The following RBPJ variants were observed in gnomAD, a reference collection of about 807,000 sequenced individuals.
The protein encoded by RBPJ is recombination signal binding protein for immunoglobulin kappa J region.
A neutral mutation model predicts 67.8 loss-of-function variants in RBPJ; 9 were observed. The ratio of observed to expected loss-of-function variants is 0.13; its 90% CI spans 0.08 to 0.23. The LOEUF (loss-of-function observed/expected upper bound fraction) is 0.23. Ranked by LOEUF, RBPJ falls within the 10% of genes least tolerant of loss-of-function variation. The pLI, the probability that RBPJ is intolerant of heterozygous loss-of-function variation, is 1.00. For synonymous variants in RBPJ, 198 were observed against 203.3 expected, an observed-to-expected ratio of 0.97 and a Z score of 0.22; for missense variants, 305 against 595.6, an observed-to-expected ratio of 0.51 and a Z score of 5.08.
intron 2 of RBPJ, among the ~76,000 whole-genome samples, chr4:26,392,033 G>C (rs916582408): frequency 6.6e-6 from 1 of 152,126 alleles, no homozygotes; most frequent in African/African-American, 2.4e-5. Context: ...ATTCTTGAAG[G>C]CTCCATCCTC....
At chr4:26,417,539 A>T (rs1489162342) in intron 4 of RBPJ, among the ~76,000 whole-genome samples, 1 of 152,194 alleles carries the variant, frequency 6.6e-6, no homozygotes, top group South Asian at 2.1e-4. Context: ...AGCCAAAATT[A>T]TATGTTAATA....
chr4:26,386,325 T>C, intron 1 of RBPJ, 28 bp from the exon 2 acceptor site: 1 of 1,529,856 alleles, frequency 6.5e-7, no homozygotes, highest in Non-Finnish European at 8.8e-7. Context: ...CTTACTTAAC[T>C]TTATTTTCTT....
At chr4:26,366,025 G>A (rs1406540911) in intron 1 of RBPJ, among the ~76,000 whole-genome samples, 2 of 152,202 alleles carry the variant, frequency 1.3e-5, no homozygotes, top group African/African-American at 4.8e-5. Flanking sequence ...GCTGCCTCCC[G>A]TGAACCCCCT....
At chr4:26,426,793 C>T (rs560249950) in intron 7 of RBPJ, among the ~76,000 whole-genome samples, 1 of 152,178 alleles carries the variant, frequency 6.6e-6, no homozygotes, top group African/African-American at 2.4e-5. Context: ...GAACTGAAGG[C>T]AGGGGATGTA....
At chr4:26,373,915 C>CTTTTTT (rs765161799) in intron 1 of RBPJ, among the ~76,000 whole-genome samples, 1 of 113,344 alleles carries the variant, frequency 8.8e-6, no homozygotes, top group Admixed American at 1.1e-4. Context: ...TTATTTTTTA[C>CTTTTTT]TTTTTTTTTT....
the RBPJ span, among the ~76,000 whole-genome samples, chr4:26,116,056 T>C: frequency 1.3e-5 from 2 of 152,366 alleles, no homozygotes; most frequent in Non-Finnish European, 2.9e-5. Flanking sequence ...TAGTTCAAGA[T>C]TCCAAGTTTG....
intron 1 of RBPJ, among the ~76,000 whole-genome samples, chr4:26,348,742 C>A (rs966803968): frequency 1.3e-5 from 2 of 151,736 alleles, no homozygotes; most frequent in African/African-American, 4.8e-5. Flanking sequence ...CTCACTTTAT[C>A]ACTCAGAGTG....
At position 26,421,465 on chromosome 4, in the gene RBPJ, G is replaced by A. The variant is rs398073723; in HGVS notation, c.496+740G>A. Among the ~76,000 whole-genome samples, 12 of 151,808 alleles carry A rather than the reference G, an allele frequency of 7.9e-5. No homozygotes were observed. The East Asian group carries it at 1.9e-3, about 25-fold the overall frequency. On this transcript the variant is annotated intron_variant, in intron 5 of 10. Transcript: ENST00000355476. ...ATTACAGGTGCCCACCATCACGCCCGGCTGATTTTGTATTTTTTAGTAGAG... is the reference window on the plus strand; with the variant it reads ...ATTACAGGTGCCCACCATCACGCCCAGCTGATTTTGTATTTTTTAGTAGAG...
At chr4:26,354,625 T>C (rs149790353) in intron 1 of RBPJ, among the ~76,000 whole-genome samples, 1,728 of 152,066 alleles carry the variant, frequency 0.011, 38 homozygotes, top group African/African-American at 0.039. Flanking sequence ...AATTTTTGTA[T>C]TTTTAGTAGA....
At chr4:26,288,479 A>G (rs1015576304) in intron 1 of RBPJ, among the ~76,000 whole-genome samples, 2 of 152,222 alleles carry the variant, frequency 1.3e-5, no homozygotes, top group Non-Finnish European at 2.9e-5. Context: ...GGAAGCCACA[A>G]TGCATGTAAT....
At chr4:26,271,847 A>G (rs773108890) in intron 1 of RBPJ, among the ~76,000 whole-genome samples, 7 of 152,216 alleles carry the variant, frequency 4.6e-5, no homozygotes, top group African/African-American at 2.4e-5. Flanking sequence ...GCACAGTGTC[A>G]CTGCCACACA....
chr4:26,358,610 CAAAAAAAAAA>C, intron 1 of RBPJ, among the ~76,000 whole-genome samples: 1 of 43,128 alleles, frequency 2.3e-5, no homozygotes, highest in South Asian at 8.2e-4. Flanking sequence ...CCCATCTCTG[CAAAAAAAAAA>C]AAAAAAAAAA....
the RBPJ span, chr4:26,113,474 A>T: frequency 3.6e-6 from 2 of 552,118 alleles, no homozygotes; most frequent in Non-Finnish European, 3.5e-6. Flanking sequence ...GCAAACACAC[A>T]CAGGAGAAAA....
chr4:26,224,485 T>G (rs1259297901), intron 1 of RBPJ, among the ~76,000 whole-genome samples: 2 of 152,190 alleles, frequency 1.3e-5, no homozygotes, highest in Non-Finnish European at 2.9e-5. Context: ...TTTCCCTAAG[T>G]GTCGGCTGGT....
intron 1 of RBPJ, among the ~76,000 whole-genome samples, chr4:26,225,509 T>A (rs1719047421): frequency 1.3e-5 from 2 of 152,122 alleles, no homozygotes; most frequent in South Asian, 4.1e-4. Context: ...TTATTCTGTA[T>A]GATACAGTAA....
At chr4:26,150,991 T>C in the RBPJ span, among the ~76,000 whole-genome samples, 9 of 152,196 alleles carry the variant, frequency 5.9e-5, no homozygotes, top group Admixed American at 1.3e-4. Flanking sequence ...TGTTCCCCTA[T>C]ATGAGCAGCC....
At chr4:26,215,593 G>T (rs1462313227) in intron 1 of RBPJ, among the ~76,000 whole-genome samples, 2 of 152,176 alleles carry the variant, frequency 1.3e-5, no homozygotes, top group Non-Finnish European at 2.9e-5. Context: ...CTATCTAGAA[G>T]TGAACGATTT....
chr4:26,422,688 C>T (rs887734046), intron 5 of RBPJ, among the ~76,000 whole-genome samples: 2 of 151,964 alleles, frequency 1.3e-5, no homozygotes, highest in Non-Finnish European at 2.9e-5. Flanking sequence ...GTTTTTATTA[C>T]GGAAAAATTT....
At chr4:26,367,291 T>C (rs944659125) in intron 1 of RBPJ, among the ~76,000 whole-genome samples, 15 of 152,182 alleles carry the variant, frequency 9.9e-5, no homozygotes, top group African/African-American at 3.6e-4. Flanking sequence ...AAGACCAGCC[T>C]GGCCAACATG....
Sources: allele counts gnomAD v4.1 joint callset (sites outside exome capture counted in the v4.1 genomes callset), GRCh38; gene constraint gnomAD v4.1.1; transcripts MANE v1.5; gene names NCBI Gene and HGNC (gene_info 2026-07-23, HGNC 2026-07-21).